MDGA2: variants seen among roughly 807,000 people sequenced by gnomAD.
The protein encoded by MDGA2 is MAM domain containing glycosylphosphatidylinositol anchor 2.
A neutral mutation model predicts 117.8 loss-of-function variants in MDGA2; 40 were observed. That is an observed-to-expected ratio of 0.34 (90% CI 0.26 to 0.44). The LOEUF is 0.44. MDGA2 is among the 20% of genes least tolerant of loss of function. The pLI is 1.00. For synonymous variants in MDGA2, 452 were observed against 439.0 expected (o/e 1.03, Z -0.37); for missense variants, 1,123 against 1,250.6 (o/e 0.90, Z 1.54).
intron 6 of MDGA2, among the ~76,000 whole-genome samples, chr14:47,063,586 T>A (rs529016202): frequency 1.6e-4 from 24 of 152,100 alleles, no homozygotes; most frequent in African/African-American, 5.3e-4. Flanking sequence ...TAAAATATAT[T>A]TTCTGTTAAA....
chr14:47,459,342 G>A (rs1893431899), intron 1 of MDGA2, among the ~76,000 whole-genome samples: 2 of 152,104 alleles, frequency 1.3e-5, no homozygotes, highest in South Asian at 4.2e-4. Context: ...TTAGGAGGCT[G>A]GGTTGTACTA....
chr14:47,111,862 C>T (rs898603041), intron 5 of MDGA2, among the ~76,000 whole-genome samples: 1 of 151,844 alleles, frequency 6.6e-6, no homozygotes, highest in Non-Finnish European at 1.5e-5. Flanking sequence ...CCCCAAAATG[C>T]CAGATTAAAA....
intron 1 of MDGA2, among the ~76,000 whole-genome samples, chr14:47,500,584 C>T (rs946050493): frequency 6.6e-6 from 1 of 151,794 alleles, no homozygotes; most frequent in Non-Finnish European, 1.5e-5. Flanking sequence ...AAAGATGAAC[C>T]TGGGGCATGT....
intron 1 of MDGA2, among the ~76,000 whole-genome samples, chr14:47,391,811 G>A (rs1891900995): frequency 6.6e-6 from 1 of 152,106 alleles, no homozygotes; most frequent in African/African-American, 2.4e-5. Context: ...TTTCTCTTTG[G>A]TGAGCTTTGG....
chr14:47,664,162 C>T (rs1352406041), intron 1 of MDGA2, among the ~76,000 whole-genome samples: 4 of 152,102 alleles, frequency 2.6e-5, no homozygotes, highest in African/African-American at 7.2e-5. Flanking sequence ...ATAAACTACA[C>T]GTGCATCGAA....
At chr14:47,300,313 C>A (rs1039740345) in intron 2 of MDGA2, among the ~76,000 whole-genome samples, 2 of 152,106 alleles carry the variant, frequency 1.3e-5, no homozygotes, top group African/African-American at 2.4e-5. Flanking sequence ...GTGTTGATTA[C>A]AAATGTGAAT....
At chr14:47,363,146 CCTT>C (rs981763422) in intron 1 of MDGA2, among the ~76,000 whole-genome samples, 1 of 151,936 alleles carries the variant, frequency 6.6e-6, no homozygotes, top group African/African-American at 2.4e-5. Context: ...CTTTTATAAT[CCTT>C]ATTTTAATAT....
intron 2 of MDGA2, among the ~76,000 whole-genome samples, chr14:47,262,147 T>G (rs1160656494): frequency 6.6e-6 from 1 of 152,146 alleles, no homozygotes; most frequent in African/African-American, 2.4e-5. Flanking sequence ...TGCAAAAGAC[T>G]TTTTCAAATC....
At chr14:47,346,259 A>T (rs1239994858) in intron 1 of MDGA2, among the ~76,000 whole-genome samples, 1 of 152,186 alleles carries the variant, frequency 6.6e-6, no homozygotes, top group African/African-American at 2.4e-5. Flanking sequence ...CAAAACAAAT[A>T]GTCAAGCTAA....
At chr14:46,957,934 T>G (rs941367889) in intron 8 of MDGA2, among the ~76,000 whole-genome samples, 7 of 152,204 alleles carry the variant, frequency 4.6e-5, no homozygotes, top group African/African-American at 1.7e-4. Context: ...TAAACTTTCC[T>G]ATTAATTCTA....
chr14:47,076,351 T>C lies in MDGA2; in HGVS notation c.1196-14773A>G, dbSNP rs1890490407. ...CATCCAATATATACCATATGTAATATTTTTCATTAATATTCATAATTTCTT... is the reference window on the plus strand; with the variant it reads ...CATCCAATATATACCATATGTAATACTTTTCATTAATATTCATAATTTCTT... On this transcript the variant is annotated intron_variant, in intron 6 of 16. Transcript: ENST00000399232. Among the ~76,000 whole-genome samples the C allele has an allele frequency of 3.3e-5, 5 of 152,072 alleles. No individual in the cohort carries two copies. The South Asian group carries it at 1.0e-3, about 31-fold the overall frequency.
chr14:47,023,403 TAAG>T (rs1275336517), intron 8 of MDGA2, among the ~76,000 whole-genome samples: 1 of 152,076 alleles, frequency 6.6e-6, no homozygotes, highest in African/African-American at 2.4e-5. Context: ...GAGGCAACCT[TAAG>T]GAGTACTACT....
chr14:47,052,923 G>A (rs1164728578), intron 7 of MDGA2, among the ~76,000 whole-genome samples: 1 of 151,298 alleles, frequency 6.6e-6, no homozygotes, highest in African/African-American at 2.4e-5. Context: ...TCATTCTGTC[G>A]GTCTCTGTCA....
chr14:47,276,702 T>C (rs1888322031), intron 2 of MDGA2, among the ~76,000 whole-genome samples: 1 of 152,178 alleles, frequency 6.6e-6, no homozygotes, highest in Non-Finnish European at 1.5e-5. Flanking sequence ...GTGATGACTA[T>C]TCTGTGCCCC....
chr14:47,350,079 G>C (rs1386104231), intron 1 of MDGA2, among the ~76,000 whole-genome samples: 27 of 152,162 alleles, frequency 1.8e-4, no homozygotes, highest in Admixed American at 1.8e-3. Context: ...TCTGTATATT[G>C]CTTGGAATTC....
intron 2 of MDGA2, among the ~76,000 whole-genome samples, chr14:47,291,947 C>A (rs1888905710): frequency 6.6e-6 from 1 of 152,130 alleles, no homozygotes; most frequent in Admixed American, 6.6e-5. Context: ...GTCTATCCCA[C>A]ATAAGAGCAA....
At chr14:47,288,051 A>T (rs1888748933) in intron 2 of MDGA2, among the ~76,000 whole-genome samples, 1 of 152,144 alleles carries the variant, frequency 6.6e-6, no homozygotes, top group South Asian at 2.1e-4. Flanking sequence ...TAGCCTCCAA[A>T]CGGAGAGGGA....
intron 8 of MDGA2, among the ~76,000 whole-genome samples, chr14:46,973,974 A>T (rs1842225274): frequency 6.6e-6 from 1 of 151,754 alleles, no homozygotes; most frequent in Non-Finnish European, 1.5e-5. Context: ...CCTGGACTTA[A>T]GTGATCCTCC....
intron 3 of MDGA2, among the ~76,000 whole-genome samples, chr14:47,156,459 G>C (rs1460431921): frequency 6.6e-6 from 1 of 152,120 alleles, no homozygotes; most frequent in Non-Finnish European, 1.5e-5. Flanking sequence ...TTTCTCTAGT[G>C]ACATAAACCA....
Sources: gnomAD v4.1 joint callset for allele counts (sites outside exome capture counted in the v4.1 genomes callset) on GRCh38, gnomAD v4.1.1 for gene constraint, MANE v1.5 for transcripts, NCBI Gene and HGNC (gene_info 2026-07-23, HGNC 2026-07-21) for gene names.